The following MAGI3 variants were observed in gnomAD, a reference collection of about 807,000 sequenced individuals.
The protein encoded by MAGI3 is membrane-associated guanylate kinase, WW and PDZ domain-containing protein 3.
Under a neutral mutation model 121.8 loss-of-function variants are expected in MAGI3, and 43 were observed. The observed-to-expected ratio is 0.35, with a 90% CI of 0.28 to 0.46. The LOEUF (loss-of-function observed/expected upper bound fraction) is 0.46, where lower values mean the gene tolerates loss of function less well. MAGI3 is among the 20% of genes least tolerant of loss of function. The pLI is 1.00. For missense variants in MAGI3, 1,547 were observed against 1,797.3 expected, an observed-to-expected ratio of 0.86 and a Z score of 2.52; for synonymous variants, 553 against 639.3, an observed-to-expected ratio of 0.86 and a Z score of 2.04.
In MAGI3 at chr1:113,683,269, A is replaced by G; in HGVS notation, c.3701A>G (p.Glu1234Gly). Residue 1234 changes from glutamate to glycine, a missense_variant, in exon 21 of 21, where the codon GAA (glutamate) becomes GGA (glycine). Glu to Gly is a moderately conservative substitution (Grantham distance 98, BLOSUM62 -2). Coordinates refer to ENST00000307546, the MANE Select transcript of MAGI3 (RefSeq NM_001142782.2). ...AAGCCAGCCAGTCAACATTCAGAGG[A>G]ACATTTGGATAAGATTCCTAGTCCT... ...PKKPASQHSE[E>G]HLDKIPSPLK... The G allele has an allele frequency of 6.2e-7, 1 of 1,613,112 alleles. No individual in the cohort carries two copies. The highest frequency in any genetic ancestry group is 8.5e-7 in the Non-Finnish European group (1 of 1,179,706).
intron 6 of MAGI3, among the ~76,000 whole-genome samples, chr1:113,614,058 G>T (rs556175376): frequency 7.5e-4 from 114 of 152,316 alleles, no homozygotes; most frequent in Non-Finnish European, 9.9e-4. Context: ...GTGGTAGTTA[G>T]ATTAGTGTTC....
At chr1:113,512,785 G>A (rs1161067978) in intron 1 of MAGI3, among the ~76,000 whole-genome samples, 2 of 152,162 alleles carry the variant, frequency 1.3e-5, no homozygotes, top group African/African-American at 4.8e-5. Flanking sequence ...GGGCAATTAG[G>A]CAGGAGAAGG....
At chr1:113,427,967 T>C (rs935359559) in intron 1 of MAGI3, among the ~76,000 whole-genome samples, 1 of 152,138 alleles carries the variant, frequency 6.6e-6, no homozygotes, top group Admixed American at 6.5e-5. Context: ...AGGAAAGCAA[T>C]AGTCAAATGT....
chr1:113,443,205 C>T (rs1477363994), intron 1 of MAGI3, among the ~76,000 whole-genome samples: 2 of 151,910 alleles, frequency 1.3e-5, no homozygotes, highest in South Asian at 2.1e-4. Context: ...TTATACAGCC[C>T]GCTGGTTCTG....
chr1:113,644,299 G>T (rs1652712976), intron 11 of MAGI3, among the ~76,000 whole-genome samples: 1 of 151,210 alleles, frequency 6.6e-6, no homozygotes, highest in Admixed American at 6.6e-5. Flanking sequence ...TTTATTTTTT[G>T]AGACGGAGTC....
At chr1:113,682,514 G>C in intron 20 of MAGI3, 3 of 1,306,508 alleles carry the variant, frequency 2.3e-6, no homozygotes, top group South Asian at 4.3e-5. Flanking sequence ...TAGTGATTTT[G>C]CCATATCCTA....
chr1:113,666,479 G>T (rs77042378), intron 16 of MAGI3, among the ~76,000 whole-genome samples: 19,373 of 152,134 alleles, frequency 0.13, 1,310 homozygotes, highest in East Asian at 0.19. Flanking sequence ...ATCCTCACCT[G>T]TTCAAGTTTT....
intron 1 of MAGI3, among the ~76,000 whole-genome samples, chr1:113,487,670 T>G (rs1218749918): frequency 6.6e-6 from 1 of 152,094 alleles, no homozygotes; most frequent in Non-Finnish European, 1.5e-5. Flanking sequence ...TATAACAAAT[T>G]TAAGTGTAGT....
intron 1 of MAGI3, among the ~76,000 whole-genome samples, chr1:113,486,933 ACT>A (rs1430454822): frequency 6.6e-6 from 1 of 151,738 alleles, no homozygotes; most frequent in African/African-American, 2.4e-5. Context: ...CTGGTTGCAA[ACT>A]CTTGGCCTCA....
rs577982341 is a variant in MAGI3 at position 113,424,699 on chromosome 1, C to T, written c.316+33350C>T. On this transcript the variant is annotated intron_variant, in intron 1 of 20. Transcript: ENST00000307546. ...CTTGTTGAAAGACATAGACTGATTCCAGTTTTTGGCTATTATGAATAAAGC... is the reference window on the plus strand; with the variant it reads ...CTTGTTGAAAGACATAGACTGATTCTAGTTTTTGGCTATTATGAATAAAGC... Among the ~76,000 whole-genome samples, 6 of 152,166 alleles carry T rather than the reference C, an allele frequency of 3.9e-5. No individual in the cohort carries two copies. In the East Asian group the frequency reaches 1.2e-3, roughly 29 times the overall value.
intron 1 of MAGI3, chr1:113,450,602 A>G (rs1242495818): frequency 5.5e-6 from 6 of 1,090,578 alleles, no homozygotes; most frequent in Non-Finnish European, 8.4e-6. Flanking sequence ...TGGAAATTAT[A>G]GTGGACAACA....
At chr1:113,520,680 A>G (rs1658135041) in intron 1 of MAGI3, among the ~76,000 whole-genome samples, 1 of 152,028 alleles carries the variant, frequency 6.6e-6, no homozygotes, top group South Asian at 2.1e-4. Flanking sequence ...TCAGCTCACC[A>G]CAACTTCGGT....
At chr1:113,632,165 T>C (rs1219614785) in intron 9 of MAGI3, among the ~76,000 whole-genome samples, 1 of 152,238 alleles carries the variant, frequency 6.6e-6, no homozygotes, top group Non-Finnish European at 1.5e-5. Context: ...AATCAAGTTA[T>C]ACTTGTAAAG....
chr1:113,676,098 GTTACT>G (rs1422468269), intron 19 of MAGI3, among the ~76,000 whole-genome samples: 1 of 148,584 alleles, frequency 6.7e-6, no homozygotes. Context: ...AACCTATTCA[GTTACT>G]TTACATCTGT....
chr1:113,621,047 A>G (rs571820468), intron 8 of MAGI3, among the ~76,000 whole-genome samples: 17 of 152,298 alleles, frequency 1.1e-4, no homozygotes, highest in Middle Eastern at 3.4e-3. Context: ...TTTGGTGGGA[A>G]ATGTCAAGTG....
chr1:113,419,382 CTT>C (rs1204011101), intron 1 of MAGI3, among the ~76,000 whole-genome samples: 1 of 152,060 alleles, frequency 6.6e-6, no homozygotes, highest in East Asian at 1.9e-4. Flanking sequence ...GGAATGAGGC[CTT>C]TTTATCTTTT....
chr1:113,433,264 G>C (rs918821443), intron 1 of MAGI3, among the ~76,000 whole-genome samples: 24 of 152,090 alleles, frequency 1.6e-4, no homozygotes, highest in Non-Finnish European at 1.5e-5. Flanking sequence ...GTACTACTGG[G>C]TCTGTGCATT....
At chr1:113,540,771 A>G (rs991602909) in intron 1 of MAGI3, among the ~76,000 whole-genome samples, 3 of 152,196 alleles carry the variant, frequency 2.0e-5, no homozygotes, top group Non-Finnish European at 4.4e-5. Context: ...AATGATTGTT[A>G]TTTGTAAATA....
At chr1:113,676,294 G>A (rs1012757531) in intron 19 of MAGI3, among the ~76,000 whole-genome samples, 3 of 152,168 alleles carry the variant, frequency 2.0e-5, no homozygotes, top group Non-Finnish European at 4.4e-5. Flanking sequence ...AGCCAGGAGT[G>A]GTGGCACATG....
Sources: gnomAD v4.1 joint callset for allele counts (sites outside exome capture counted in the v4.1 genomes callset) on GRCh38, gnomAD v4.1.1 for gene constraint, MANE v1.5 for transcripts, NCBI Gene and HGNC (gene_info 2026-07-23, HGNC 2026-07-21) for gene names.